The following KLHL7 variants were observed in gnomAD, a reference collection of about 807,000 sequenced individuals.
KLHL7 encodes kelch like family member 7.
KLHL7 carries 44 observed loss-of-function variants against 67.4 expected under a neutral mutation model. That is an observed-to-expected ratio of 0.65 (90% CI 0.51 to 0.84). The LOEUF (loss-of-function observed/expected upper bound fraction) is 0.84. Among genes scored for constraint, KLHL7 ranks in the 40% least tolerant of loss-of-function variants. The pLI, the probability that KLHL7 is intolerant of heterozygous loss-of-function variation, is 0.00. For synonymous variants in KLHL7, 252 were observed against 243.3 expected (o/e 1.04, Z -0.33); for missense variants, 362 against 718.1 (o/e 0.50, Z 5.67).
intron 1 of KLHL7, among the ~76,000 whole-genome samples, chr7:23,120,405 G>A (rs1186772655): frequency 1.3e-5 from 2 of 151,750 alleles, no homozygotes; most frequent in African/African-American, 2.4e-5. Context: ...ATTTTTTTTT[G>A]TTTTAATTGA....
rs752528876 is a variant in KLHL7, at chr7:23,108,436, G to T, written c.120+2290G>T. Among the ~76,000 whole-genome samples the T allele has an allele frequency of 1.4e-4, 22 of 152,102 alleles. No homozygotes were observed. The South Asian group carries it at 1.5e-3, about 10-fold the overall frequency. On this transcript the variant is annotated intron_variant, in intron 1 of 10. Transcript: ENST00000339077. ...TAAGTAAACTCTCCAGTGAAGTATG[G>T]GATACATATAAGAGGGCACAAATCA...
intron 4 of KLHL7, among the ~76,000 whole-genome samples, chr7:23,133,909 A>G (rs1783886251): frequency 6.6e-6 from 1 of 152,126 alleles, no homozygotes; most frequent in African/African-American, 2.4e-5. Context: ...GGATAATTTT[A>G]TTTCTTCCTT....
intron 7 of KLHL7, among the ~76,000 whole-genome samples, chr7:23,154,779 T>C (rs1270525474): frequency 6.6e-6 from 1 of 152,170 alleles, no homozygotes; most frequent in African/African-American, 2.4e-5. Context: ...AACAGAAATA[T>C]GCGTTAGCCA....
At chr7:23,168,239 C>G (rs1785058713) in intron 9 of KLHL7, 2 of 584,310 alleles carry the variant, frequency 3.4e-6, no homozygotes, top group Non-Finnish European at 6.1e-6. Context: ...AACTTACACC[C>G]CATGGGAACC....
chr7:23,172,719 T>C, intron 9 of KLHL7: 1 of 430,814 alleles, frequency 2.3e-6, no homozygotes, highest in Non-Finnish European at 4.2e-6. Flanking sequence ...CATTTTCTTA[T>C]ATCCTATCAG....
At chr7:23,172,008 C>T (rs1388740716) in intron 9 of KLHL7, 1 of 355,288 alleles carries the variant, frequency 2.8e-6, no homozygotes, top group East Asian at 8.6e-5. Context: ...CGCGCCCGGC[C>T]GGCCATCAAA....
intron 1 of KLHL7, among the ~76,000 whole-genome samples, chr7:23,109,893 TTTTC>T (rs1433833322): frequency 6.6e-6 from 1 of 152,232 alleles, no homozygotes; most frequent in Non-Finnish European, 1.5e-5. Context: ...TCTGTTTTCT[TTTTC>T]TGTCTGTCCA....
intron 7 of KLHL7, 52 bp downstream of exon 7, chr7:23,152,261 A>G: frequency 6.5e-7 from 1 of 1,530,846 alleles, no homozygotes; most frequent in Non-Finnish European, 9.0e-7. Context: ...ATCACTGAAC[A>G]CATAAGACAC....
At chr7:23,144,710 T>A (rs909577703) in intron 6 of KLHL7, among the ~76,000 whole-genome samples, 2 of 152,198 alleles carry the variant, frequency 1.3e-5, no homozygotes, top group African/African-American at 4.8e-5. Flanking sequence ...TCTTTTTGTT[T>A]GATGCAACAT....
In KLHL7 at chr7:23,106,699, C is replaced by T. The variant is rs1782655824; in HGVS notation, c.120+553C>T. ...CCATCGATAAATACCATGCCATCTT[C>T]TAAGGGCACTGTGCGCCTCTGTTAT... is the stretch of plus-strand genomic sequence containing the variant. On this transcript the variant is annotated intron_variant, in intron 1 of 10. Coordinates refer to ENST00000339077, the MANE Select transcript of KLHL7 (RefSeq NM_001031710.3). The T allele has an allele frequency of 5.0e-6, 5 of 1,002,514 alleles. No homozygotes were observed. In the South Asian group the frequency reaches 1.7e-4, roughly 34 times the overall value. 62.1% of individuals were successfully genotyped at this position (1,002,514 alleles called of 1,614,324 possible). A position where few individuals can be genotyped will look rare whatever the true frequency, so the allele number is the denominator to read the frequency against.
At chr7:23,111,370 G>A (rs950824136) in intron 1 of KLHL7, among the ~76,000 whole-genome samples, 19 of 152,214 alleles carry the variant, frequency 1.2e-4, no homozygotes, top group African/African-American at 2.4e-4. Flanking sequence ...TAAGGCGGAC[G>A]ATGGTTCTAG....
chr7:23,162,797 G>A (rs1562589226), intron 7 of KLHL7, among the ~76,000 whole-genome samples: 1 of 152,178 alleles, frequency 6.6e-6, no homozygotes, highest in Admixed American at 6.5e-5. Flanking sequence ...AATGGCTTAA[G>A]AGAAAGTACT....
chr7:23,173,240 GCAGTAGTCAC>G (rs1399381662), intron 10 of KLHL7, among the ~76,000 whole-genome samples, 195 bp downstream of exon 10: 4 of 152,056 alleles, frequency 2.6e-5, no homozygotes, highest in African/African-American at 9.7e-5. Flanking sequence ...ATGAAATGTC[GCAGTAGTCAC>G]CAGTCATTGT....
At position 23,144,035 on chromosome 7, in the gene KLHL7, C is replaced by T. The variant is rs1361131096; in HGVS notation, c.793+10C>T. ...CTTAAGATGGTGATAAGTAAGTTGCCTTAATAACCATTTATAACCTGATCA... is the reference window on the plus strand; with the variant it reads ...CTTAAGATGGTGATAAGTAAGTTGCTTTAATAACCATTTATAACCTGATCA... On this transcript the variant is annotated intron_variant, in intron 6 of 10. Coordinates refer to ENST00000339077, the MANE Select transcript of KLHL7 (RefSeq NM_001031710.3). 1.2e-6 allele frequency: 2 copies of T among 1,609,850 alleles called. No individual in the cohort carries two copies. Among genetic ancestry groups the T allele is most frequent in the Admixed American group, 3.3e-5 (2 of 60,000 alleles).
chr7:23,114,970 AT>A (rs1231765608), intron 1 of KLHL7, among the ~76,000 whole-genome samples: 1 of 152,224 alleles, frequency 6.6e-6, no homozygotes, highest in African/African-American at 2.4e-5. Context: ...CATCCTCTGA[AT>A]TAAAATGAAA....
At chr7:23,117,698 T>C (rs1562553171) in intron 1 of KLHL7, 5 of 813,058 alleles carry the variant, frequency 6.1e-6, no homozygotes, top group Non-Finnish European at 9.3e-6. Flanking sequence ...CTGACAAATG[T>C]GATTTCTAGA....
rs1385454197 is a variant in KLHL7 at position 23,174,791 on chromosome 7, A to C, written c.*493A>C. The C allele has an allele frequency of 2.2e-6, 1 of 454,656 alleles. No individual in the cohort carries two copies. Among genetic ancestry groups the C allele is most frequent in the Non-Finnish European group, 4.4e-6 (1 of 226,846 alleles). The allele number at this position is 454,656 out of a possible 1,614,324, so 28.2% of individuals were successfully genotyped here. On this transcript the variant is annotated 3_prime_UTR_variant, in exon 11 of 11. Transcript: ENST00000339077. ...GTTTGCTTGTCTATTTATTTTATTT[A>C]GTGCCAAATGTATTCCATTTTAAAA...
rs2128460036 is a variant in KLHL7, at chr7:23,123,813, A to G, written c.157A>G (p.Arg53Gly). 6.2e-7 allele frequency: 1 copy of G among 1,613,876 alleles called. No individual in the cohort carries two copies. The change falls in exon 2 of 11, where the codon AGA becomes GGA. Residue 53 changes from arginine (R) to glycine (G), a missense_variant. By Grantham distance (125) the Arg-to-Gly change is moderately radical (BLOSUM62 -2). Coordinates refer to ENST00000339077, the MANE Select transcript of KLHL7 (RefSeq NM_001031710.3). ...TGACGTGATCCTCATGGTCCAGGAA[A>G]GAAAGATACCTGCTCATCGTGTTGT... Reference protein sequence around the residue: ...LCDVILMVQERKIPAHRVVLA... With the variant: ...LCDVILMVQEGKIPAHRVVLA...
At chr7:23,160,860 T>C (rs1425259960) in intron 7 of KLHL7, among the ~76,000 whole-genome samples, 1 of 152,244 alleles carries the variant, frequency 6.6e-6, no homozygotes, top group Non-Finnish European at 1.5e-5. Flanking sequence ...AGTGTTTGCT[T>C]CTGGAAAACC....
Sources: gnomAD v4.1 joint callset for allele counts (sites outside exome capture counted in the v4.1 genomes callset) on GRCh38, gnomAD v4.1.1 for gene constraint, MANE v1.5 for transcripts, NCBI Gene and HGNC (gene_info 2026-07-23, HGNC 2026-07-21) for gene names.